The following CBLN4 variants were observed in gnomAD, a reference collection of about 807,000 sequenced individuals.
CBLN4 encodes cerebellin-4.
In CBLN4, 7 loss-of-function variants were observed where a neutral mutation model predicts 14.9. The observed-to-expected ratio is 0.47, with a 90% CI of 0.27 to 0.88. The LOEUF is 0.88. Ranked by LOEUF, CBLN4 falls within the 40% of genes least tolerant of loss-of-function variation. The pLI is 0.14. For synonymous variants in CBLN4, 131 were observed against 116.5 expected, an observed-to-expected ratio of 1.12 and a Z score of -0.80; for missense variants, 188 against 256.8, an observed-to-expected ratio of 0.73 and a Z score of 1.83.
At position 56,001,569 on chromosome 20, in the gene CBLN4, C is replaced by T. The variant is rs578148314; in HGVS notation, c.292-722G>A. On this transcript the variant is annotated intron_variant, in intron 1 of 2. Transcript: ENST00000064571. Reference sequence around the variant, plus strand: ...TATAATAATGTGGCAATGAGTCAGCCCTTGTGGGCTGCCAAAGAGGAGAGC... The same window carrying T: ...TATAATAATGTGGCAATGAGTCAGCTCTTGTGGGCTGCCAAAGAGGAGAGC... Among the ~76,000 whole-genome samples, 11 of 152,248 alleles carry T rather than the reference C, an allele frequency of 7.2e-5. 1 individual carries two copies. Among genetic ancestry groups the T allele is most frequent in the African/African-American group, 2.6e-4 (11 of 41,526 alleles).
chr20:56,004,481 T>C lies in CBLN4; in HGVS notation c.-310A>G. 3.0e-6 allele frequency: 1 copy of C among 333,438 alleles called. No homozygotes were observed. Among genetic ancestry groups the C allele is most frequent in the Non-Finnish European group, 5.4e-6 (1 of 185,348 alleles). 20.7% of individuals were successfully genotyped at this position (333,438 alleles called of 1,614,324 possible). The stretch of plus-strand genomic sequence containing the variant: ...GCACCCACTCTGGTTCCTAGACATC[T>C]GAAAGTCATCAAACCCTCACATTCA... On this transcript the variant is annotated 5_prime_UTR_variant, in exon 1 of 3. Coordinates refer to ENST00000064571, the MANE Select transcript of CBLN4 (RefSeq NM_080617.6). This position sits in a 1 kb window ranked among gnomAD's most constrained non-coding sequence, Gnocchi z 6.1.
intron 1 of CBLN4, among the ~76,000 whole-genome samples, chr20:56,003,048 G>C (rs879923744): frequency 3.9e-5 from 6 of 152,202 alleles, no homozygotes; most frequent in Non-Finnish European, 8.8e-5. Flanking sequence ...CGGAGCACCA[G>C]GTCGCTAAAC....
chr20:56,000,405 A>C (rs887536199), intron 2 of CBLN4, among the ~76,000 whole-genome samples: 4 of 152,178 alleles, frequency 2.6e-5, no homozygotes, highest in African/African-American at 9.6e-5. Flanking sequence ...AGTTCAAGTA[A>C]TTCTTGTACA....
chr20:55,997,757 A>G lies in CBLN4; in HGVS notation c.*800T>C, dbSNP rs1030586007. ...GGTTATTATCAATCATTTTAATTAAAGTTGAGCAATAAAGTATAAGATTTC... is the reference window on the plus strand; with the variant it reads ...GGTTATTATCAATCATTTTAATTAAGGTTGAGCAATAAAGTATAAGATTTC... On this transcript the variant is annotated 3_prime_UTR_variant, in exon 3 of 3. Coordinates refer to ENST00000064571, the MANE Select transcript of CBLN4 (RefSeq NM_080617.6). 1 of 152,574 alleles carries G rather than the reference A, an allele frequency of 6.6e-6. No homozygotes were observed. Among genetic ancestry groups the G allele is most frequent in the African/African-American group, 2.4e-5 (1 of 41,448 alleles). 9.5% of individuals were successfully genotyped at this position (152,574 alleles called of 1,614,324 possible).
chr20:56,000,459 T>C (rs1986349933), intron 2 of CBLN4, among the ~76,000 whole-genome samples: 1 of 152,258 alleles, frequency 6.6e-6, no homozygotes. Flanking sequence ...TTTGTGTCAC[T>C]GAATTTTTAC....
intron 1 of CBLN4, among the ~76,000 whole-genome samples, chr20:56,003,324 C>A (rs1256043037): frequency 6.6e-6 from 1 of 152,228 alleles, no homozygotes; most frequent in Non-Finnish European, 1.5e-5. Flanking sequence ...AACAGTGGAA[C>A]CTGCAGGCGA....
At chr20:56,002,664 A>G (rs186715697) in intron 1 of CBLN4, among the ~76,000 whole-genome samples, 2 of 152,378 alleles carry the variant, frequency 1.3e-5, no homozygotes, top group East Asian at 3.9e-4. Flanking sequence ...CTTTATTTCC[A>G]TCAAGATGGA....
At chr20:55,999,715 T>C (rs1044550274) in intron 2 of CBLN4, among the ~76,000 whole-genome samples, 3 of 152,228 alleles carry the variant, frequency 2.0e-5, no homozygotes, top group Non-Finnish European at 2.9e-5. Flanking sequence ...TTTTAAATTT[T>C]AGAGATTTCA....
chr20:56,003,798 A>G, intron 1 of CBLN4, 83 bp downstream of exon 1: 1 of 1,417,676 alleles, frequency 7.1e-7, no homozygotes, highest in Non-Finnish European at 9.6e-7. Flanking sequence ...CAATCGGACC[A>G]GCTTAGCCTG....
intron 1 of CBLN4, among the ~76,000 whole-genome samples, chr20:56,003,672 G>T (rs1986412774): frequency 6.6e-6 from 1 of 152,158 alleles, no homozygotes; most frequent in Non-Finnish European, 1.5e-5. Flanking sequence ...GCCTCTTTTA[G>T]GGGCCCGGAA....
chr20:56,004,452 C>G lies in CBLN4; in HGVS notation c.-281G>C, dbSNP rs186849591. ...CCCAAGAATCAGCCCTGCCTGGGGC[C>G]CCTGCACCCACTCTGGTTCCTAGAC... On this transcript the variant is annotated 5_prime_UTR_variant, in exon 1 of 3. Transcript: ENST00000064571. This position sits in a 1 kb window ranked among gnomAD's most constrained non-coding sequence, Gnocchi z 6.1. 4.4e-4 allele frequency: 169 copies of G among 383,686 alleles called. 2 individuals are homozygous for G. The highest frequency in any genetic ancestry group is 3.1e-3 in the African/African-American group (148 of 47,724). 23.8% of individuals were successfully genotyped at this position (383,686 alleles called of 1,614,324 possible).
chr20:56,002,913 T>C lies in CBLN4; in HGVS notation c.291+968A>G, dbSNP rs1017141092. Among the ~76,000 whole-genome samples, 5 of 152,200 alleles carry C rather than the reference T, an allele frequency of 3.3e-5. No individual in the cohort carries two copies. The South Asian group carries it at 1.0e-3, about 31-fold the overall frequency. ...TTGCATACAACTGTGAACTGTGAAT[T>C]TGGAATTTAAAAAGACTCTGGATAC... On this transcript the variant is annotated intron_variant, in intron 1 of 2. Transcript: ENST00000064571.
Sources: gnomAD v4.1 joint callset for allele counts (sites outside exome capture counted in the v4.1 genomes callset) on GRCh38, gnomAD v4.1.1 for gene constraint, Gnocchi (gnomAD v3.1) non-coding constraint, MANE v1.5 for transcripts, NCBI Gene and HGNC (gene_info 2026-07-23, HGNC 2026-07-21) for gene names.